POLA2: variants seen among roughly 807,000 people sequenced by gnomAD.
POLA2 encodes the protein DNA polymerase alpha 2, accessory subunit.
POLA2 carries 47 observed loss-of-function variants against 82.8 expected under a neutral mutation model. The ratio of observed to expected loss-of-function variants is 0.57; its 90% CI spans 0.45 to 0.72. The LOEUF is 0.72. POLA2 is among the 30% of genes least tolerant of loss of function. The pLI, the probability that POLA2 is intolerant of heterozygous loss-of-function variation, is 0.00. For missense variants in POLA2, 634 were observed against 728.1 expected (o/e 0.87, Z 1.49); for synonymous variants, 287 against 286.8 (o/e 1.00, Z -0.01).
At chr11:65,279,434 C>T in intron 6 of POLA2, 104 bp from the exon 7 acceptor site, 2 of 753,180 alleles carry the variant, frequency 2.7e-6, no homozygotes, top group South Asian at 1.8e-5. Context: ...CTTCCTGCTT[C>T]TGTAAAATGA....
At chr11:65,276,049 T>C (rs2137528403) in intron 5 of POLA2, 51 bp downstream of exon 5, 2 of 998,186 alleles carry the variant, frequency 2.0e-6, no homozygotes, top group South Asian at 1.6e-5. Context: ...CCCCTCCCCT[T>C]TCTCTGGCTA....
intron 7 of POLA2, 166 bp from the exon 8 acceptor site, chr11:65,280,826 C>G (rs1016589177): frequency 4.8e-6 from 3 of 626,332 alleles, no homozygotes; most frequent in Non-Finnish European, 5.5e-6. Context: ...TTCTTCCATC[C>G]TGAGAGTCAG....
intron 10 of POLA2, among the ~76,000 whole-genome samples, chr11:65,284,497 T>C (rs1216741786): frequency 6.6e-6 from 1 of 151,628 alleles, no homozygotes; most frequent in Admixed American, 6.6e-5. Context: ...AATATATGTA[T>C]GTATTTCTGT....
intron 4 of POLA2, among the ~76,000 whole-genome samples, chr11:65,270,403 G>A (rs1455741034): frequency 6.6e-6 from 1 of 152,116 alleles, no homozygotes; most frequent in Non-Finnish European, 1.5e-5. Context: ...GAGAGTAAGA[G>A]GGCCAAAAAT....
intron 10 of POLA2, among the ~76,000 whole-genome samples, chr11:65,283,905 G>A (rs1195024496): frequency 6.6e-6 from 1 of 151,182 alleles, no homozygotes; most frequent in African/African-American, 2.4e-5. Context: ...GCTGAGGTGG[G>A]AAGATCACTT....
chr11:65,263,381 G>A (rs1401465483), intron 1 of POLA2, among the ~76,000 whole-genome samples: 1 of 151,554 alleles, frequency 6.6e-6, no homozygotes, highest in African/African-American at 2.4e-5. Context: ...CACCAGGCCC[G>A]ACTAATTTTT....
In POLA2 at chr11:65,289,100, G is replaced by C; in HGVS notation, c.1170+12G>C. The C allele has an allele frequency of 1.9e-6, 3 of 1,608,532 alleles. No homozygotes were observed. Among genetic ancestry groups the C allele is most frequent in the Non-Finnish European group, 2.6e-6 (3 of 1,175,964 alleles). On this transcript the variant is annotated intron_variant, in intron 12 of 17. Transcript: ENST00000265465. ...ATGAACAGGTGGAGGTGAGTGGGCT[G>C]GGGTGGGAAGGGGTCCTGGGTACTT...
At chr11:65,284,845 GCA>G (rs899753119) in intron 10 of POLA2, among the ~76,000 whole-genome samples, 4 of 152,056 alleles carry the variant, frequency 2.6e-5, no homozygotes, top group African/African-American at 9.7e-5. Flanking sequence ...ATTTTTGTAA[GCA>G]CAGTGGAGCA....
intron 1 of POLA2, among the ~76,000 whole-genome samples, chr11:65,263,617 C>T (rs1949425436): frequency 1.3e-5 from 2 of 152,112 alleles, no homozygotes; most frequent in South Asian, 4.1e-4. Context: ...AATCTGAAGT[C>T]GAGAATTTGA....
chr11:65,265,695 C>T (rs1367886226), intron 1 of POLA2, among the ~76,000 whole-genome samples: 4 of 152,188 alleles, frequency 2.6e-5, no homozygotes, highest in Non-Finnish European at 4.4e-5. Flanking sequence ...CCAAGCTGGT[C>T]TCAAACTTCT....
chr11:65,266,608 C>T lies in POLA2; in HGVS notation c.106C>T (p.Gln36Ter), dbSNP rs757257487. Reference sequence around the variant, plus strand: ...GGTAGAGCTTTGTGTTCAGTATGGACAGAATGAGGAGGGAATGGTAGGCGA... The same window carrying T: ...GGTAGAGCTTTGTGTTCAGTATGGATAGAATGAGGAGGGAATGGTAGGCGA... The part of the protein sequence containing the change: ...KLVELCVQYG[Q>*]NEEGMVGELI... Residue 36 changes from glutamine (Q) to a stop codon, truncating the protein, a stop_gained, in exon 2 of 18, where the codon CAG becomes TAG. Coordinates refer to ENST00000265465, the MANE Select transcript of POLA2 (RefSeq NM_002689.4). LOFTEE classifies it high-confidence loss of function. 2 of 1,614,002 alleles carry T rather than the reference C, an allele frequency of 1.2e-6. No homozygotes were observed. The highest frequency in any genetic ancestry group is 1.7e-6 in the Non-Finnish European group (2 of 1,179,890).
intron 13 of POLA2, among the ~76,000 whole-genome samples, chr11:65,293,242 A>T (rs1949773366): frequency 1.3e-5 from 2 of 152,076 alleles, no homozygotes; most frequent in Admixed American, 6.6e-5. Flanking sequence ...CCCACTGGAA[A>T]TGTCTGTGTC....
At chr11:65,278,061 T>G (rs1159444247) in intron 5 of POLA2, among the ~76,000 whole-genome samples, 2 of 152,168 alleles carry the variant, frequency 1.3e-5, no homozygotes, top group Non-Finnish European at 2.9e-5. Context: ...AACCAGAGGA[T>G]TAGAAGACCT....
At chr11:65,279,440 A>C in intron 6 of POLA2, 98 bp from the exon 7 acceptor site, 1 of 790,822 alleles carries the variant, frequency 1.3e-6, no homozygotes, top group Non-Finnish European at 2.1e-6. Flanking sequence ...GCTTCTGTAA[A>C]ATGACTGACT....
rs1949551746 is a variant in POLA2, at chr11:65,274,204, T to A, written c.355-1688T>A. On this transcript the variant is annotated intron_variant, in intron 4 of 17. Transcript: ENST00000265465. ...CACATCTCTACTAGAAATACAAAAT[T>A]AGCTGGGCGTGGTGGTGCATGCCTG... 2.0e-5 allele frequency among the ~76,000 whole-genome samples: 3 copies of A among 150,862 alleles called. No individual in the cohort carries two copies. In the South Asian group the frequency reaches 6.3e-4, roughly 31 times the overall value.
Position 65,297,151 on chromosome 11 carries a change from G to T in POLA2, c.1679G>T (p.Gly560Val), listed in dbSNP as rs1157513692. The stretch of plus-strand genomic sequence containing the variant: ...CTCGGCTGTGTCTGTGTGAACCCTG[G>T]GCGCCTTACCAAAGGGCAGGTGGGA... ...DVLGCVCVNPGRLTKGQVGGT... is the reference protein window; with the variant it reads ...DVLGCVCVNPVRLTKGQVGGT... The change falls in exon 18 of 18, where the codon GGG becomes GTG. Residue 560 changes from glycine (G) to valine (V), a missense_variant. Gly to Val is a moderately radical substitution (Grantham distance 109). Transcript: ENST00000265465. The T allele has an allele frequency of 1.9e-6, 3 of 1,613,998 alleles. No homozygotes were observed.
chr11:65,262,111 G>A lies in POLA2; in HGVS notation c.-182G>A, dbSNP rs1200857218. On this transcript the variant is annotated 5_prime_UTR_variant, in exon 1 of 18. Transcript: ENST00000265465. ...TTTTTTAAAAAAAGTATTTCTCTGT[G>A]ACCGACGGCCGGGGCCTTCTGACGG... 1 of 584,008 alleles carries A rather than the reference G, an allele frequency of 1.7e-6. No homozygotes were observed. The highest frequency in any genetic ancestry group is 1.9e-5 in the African/African-American group (1 of 51,790). 36.2% of individuals were successfully genotyped at this position (584,008 alleles called of 1,614,324 possible). A position where few individuals can be genotyped will look rare whatever the true frequency, so the allele number is the denominator to read the frequency against.
chr11:65,294,753 A>G (rs1002883959), intron 15 of POLA2, 101 bp downstream of exon 15: 8 of 777,734 alleles, frequency 1.0e-5, no homozygotes, highest in Non-Finnish European at 1.3e-5. Context: ...GGTCTTGACC[A>G]GAGAGAGCTG....
chr11:65,289,989 C>G, intron 13 of POLA2, 117 bp downstream of exon 13: 1 of 653,356 alleles, frequency 1.5e-6, no homozygotes, highest in Non-Finnish European at 2.7e-6. Flanking sequence ...TGGATCACAC[C>G]TGTAATCCCA....
Sources: allele counts gnomAD v4.1 joint callset (sites outside exome capture counted in the v4.1 genomes callset), GRCh38; gene constraint gnomAD v4.1.1; transcripts MANE v1.5; gene names NCBI Gene and HGNC (gene_info 2026-07-23, HGNC 2026-07-21).